The following PLXDC2 variants were observed in gnomAD, a reference collection of about 807,000 sequenced individuals.
The protein encoded by PLXDC2 is plexin domain containing 2.
A neutral mutation model predicts 68.9 loss-of-function variants in PLXDC2; 40 were observed. That is an observed-to-expected ratio of 0.58 (90% CI 0.45 to 0.76). PLXDC2 has a LOEUF of 0.76. Among genes scored for constraint, PLXDC2 ranks in the 30% least tolerant of loss-of-function variants. PLXDC2 has a pLI of 0.00. For missense variants in PLXDC2, 644 were observed against 661.9 expected (o/e 0.97, Z 0.30); for synonymous variants, 243 against 234.2 (o/e 1.04, Z -0.34).
chr10:20,071,081 C>G (rs1239477727), intron 4 of PLXDC2: 1 of 152,084 alleles, frequency 6.6e-6, no homozygotes, highest in African/African-American at 2.4e-5. Context: ...TAGCACGCAA[C>G]TTGCATATAA....
chr10:20,161,347 C>T (rs1368536340), intron 6 of PLXDC2, among the ~76,000 whole-genome samples: 3 of 151,732 alleles, frequency 2.0e-5, no homozygotes, highest in African/African-American at 7.3e-5. Context: ...AAAAATCCTT[C>T]ATGTGTCTTG....
At chr10:19,835,326 C>A (rs1056514936) in intron 1 of PLXDC2, among the ~76,000 whole-genome samples, 1 of 152,056 alleles carries the variant, frequency 6.6e-6, no homozygotes, top group Non-Finnish European at 1.5e-5. Context: ...TAGAGATAGA[C>A]CAAATTCAGC....
At chr10:20,064,220 T>C (rs1836155862) in intron 3 of PLXDC2, among the ~76,000 whole-genome samples, 1 of 145,600 alleles carries the variant, frequency 6.9e-6, no homozygotes, top group Non-Finnish European at 1.5e-5. Flanking sequence ...ATTACATTTC[T>C]TTTCTTTTTT....
intron 2 of PLXDC2, among the ~76,000 whole-genome samples, chr10:20,015,873 C>G (rs913258965): frequency 6.6e-6 from 1 of 152,166 alleles, no homozygotes; most frequent in African/African-American, 2.4e-5. Flanking sequence ...CGTGTTCACT[C>G]TCCTTTCTTA....
At chr10:20,249,886 TTGAG>T (rs1835651043) in intron 13 of PLXDC2, among the ~76,000 whole-genome samples, 1 of 152,166 alleles carries the variant, frequency 6.6e-6, no homozygotes, top group East Asian at 1.9e-4. Context: ...AATGGATATC[TTGAG>T]TATTTCACAG....
At chr10:20,050,917 A>T (rs984026023) in intron 3 of PLXDC2, among the ~76,000 whole-genome samples, 2 of 152,130 alleles carry the variant, frequency 1.3e-5, no homozygotes, top group Admixed American at 1.3e-4. Context: ...TCATTCTACC[A>T]TAAAGATACA....
chr10:20,226,038 T>TGATGGATAC (rs1835281760), intron 12 of PLXDC2, among the ~76,000 whole-genome samples: 1 of 152,166 alleles, frequency 6.6e-6, no homozygotes, highest in African/African-American at 2.4e-5. Flanking sequence ...ACTTGGAGTA[T>TGATGGATAC]CAAGAGTTGA....
chr10:20,267,724 A>G (rs1208771515), intron 13 of PLXDC2, among the ~76,000 whole-genome samples: 1 of 152,146 alleles, frequency 6.6e-6, no homozygotes, highest in Non-Finnish European at 1.5e-5. Context: ...TTCACAAACC[A>G]TATTATCAAA....
intron 13 of PLXDC2, among the ~76,000 whole-genome samples, chr10:20,270,286 G>A (rs909439091): frequency 6.6e-6 from 1 of 152,096 alleles, no homozygotes; most frequent in African/African-American, 2.4e-5. Flanking sequence ...AGGTTTATAT[G>A]TGAAAGGGTT....
intron 1 of PLXDC2, among the ~76,000 whole-genome samples, chr10:19,947,541 A>T (rs749889955): frequency 2.7e-4 from 41 of 152,134 alleles, no homozygotes; most frequent in Non-Finnish European, 4.4e-4. Context: ...TACTGCTCCC[A>T]TGTTTGCTAA....
chr10:20,253,751 G>A (rs1286029322), intron 13 of PLXDC2, among the ~76,000 whole-genome samples: 15 of 152,092 alleles, frequency 9.9e-5, no homozygotes. Flanking sequence ...AAATTTATAT[G>A]AGTTTCGTAT....
chr10:20,287,848 C>G lies in PLXDC2; in HGVS notation c.*8029C>G, dbSNP rs1287846360. ...TTTCAGGGGAAAAAAAGGAGAGAGTCTTTTTTATATGCCAGCTGGGATCAT... is the reference window on the plus strand; with the variant it reads ...TTTCAGGGGAAAAAAAGGAGAGAGTGTTTTTTATATGCCAGCTGGGATCAT... On this transcript the variant is annotated 3_prime_UTR_variant, in exon 14 of 14. Transcript: ENST00000377252. The G allele has an allele frequency of 1.3e-5, 2 of 151,772 alleles. No homozygotes were observed. Among genetic ancestry groups the G allele is most frequent in the Non-Finnish European group, 2.9e-5 (2 of 67,996 alleles). 9.4% of individuals were successfully genotyped at this position (151,772 alleles called of 1,614,324 possible).
At chr10:19,831,213 C>T (rs1836685325) in intron 1 of PLXDC2, among the ~76,000 whole-genome samples, 1 of 152,028 alleles carries the variant, frequency 6.6e-6, no homozygotes, top group African/African-American at 2.4e-5. Flanking sequence ...ATTCTTTCTT[C>T]TCTGTTGGTT....
intron 3 of PLXDC2, among the ~76,000 whole-genome samples, chr10:20,061,591 G>A (rs1256631880): frequency 6.6e-6 from 1 of 152,020 alleles, no homozygotes; most frequent in Admixed American, 6.5e-5. Flanking sequence ...AAAAAATCTT[G>A]TTGAAAGATG....
At chr10:19,968,067 A>C (rs1834293810) in intron 1 of PLXDC2, among the ~76,000 whole-genome samples, 1 of 152,240 alleles carries the variant, frequency 6.6e-6, no homozygotes, top group African/African-American at 2.4e-5. Context: ...TTTAGGCTTC[A>C]TTTATGTCAT....
intron 1 of PLXDC2, among the ~76,000 whole-genome samples, chr10:19,956,568 G>C (rs1834073239): frequency 6.6e-6 from 1 of 152,128 alleles, no homozygotes; most frequent in African/African-American, 2.4e-5. Flanking sequence ...ACAAATCTCT[G>C]ATTGATAATA....
chr10:20,195,555 G>T (rs1834826387), intron 9 of PLXDC2, among the ~76,000 whole-genome samples: 1 of 151,990 alleles, frequency 6.6e-6, no homozygotes. Context: ...AATGTTTATG[G>T]TTCAAAAACA....
At position 20,279,706 on chromosome 10, in the gene PLXDC2, C is replaced by T. The variant is rs1460975614; in HGVS notation, c.1477C>T (p.Arg493Cys). ...SAASIFFIERRPSRWPAMKFR... is the reference protein window; with the variant it reads ...SAASIFFIERCPSRWPAMKFR... ...ATTTTTGTGTTTTCTGTTTCAGAGA[C>T]GCCCAAGCAGATGGCCTGCGATGAA... Residue 493 changes from arginine (R) to cysteine (C), a missense_variant, in exon 14 of 14, where the codon CGC becomes TGC. Transcript: ENST00000377252. The T allele has an allele frequency of 9.3e-6, 15 of 1,613,270 alleles. No individual in the cohort carries two copies. Among genetic ancestry groups the T allele is most frequent in the South Asian group, 5.5e-5 (5 of 91,046 alleles).
intron 2 of PLXDC2, among the ~76,000 whole-genome samples, chr10:20,010,525 A>G (rs1330568975): frequency 6.6e-6 from 1 of 152,202 alleles, no homozygotes; most frequent in Non-Finnish European, 1.5e-5. Context: ...TGAAACAAAA[A>G]TGGAAAAAAT....
Sources: gnomAD v4.1 joint callset for allele counts (sites outside exome capture counted in the v4.1 genomes callset) on GRCh38, gnomAD v4.1.1 for gene constraint, MANE v1.5 for transcripts, NCBI Gene and HGNC (gene_info 2026-07-23, HGNC 2026-07-21) for gene names.